Variants in ATAD1 observed in about 807,000 individuals in gnomAD.
ATAD1 encodes the protein outer mitochondrial transmembrane helix translocase.
ATAD1 carries 18 observed loss-of-function variants against 42.7 expected under a neutral mutation model. That is an observed-to-expected ratio of 0.42 (90% CI 0.29 to 0.63). The LOEUF (loss-of-function observed/expected upper bound fraction) is 0.63, where lower values mean the gene tolerates loss of function less well. Ranked by LOEUF, ATAD1 falls within the 20% of genes least tolerant of loss-of-function variation. The pLI, the probability that ATAD1 is intolerant of heterozygous loss-of-function variation, is 0.19. For missense variants in ATAD1, 294 were observed against 440.4 expected (o/e 0.67, Z 2.98); for synonymous variants, 132 against 143.1 (o/e 0.92, Z 0.55).
At chr10:87,833,033 C>T (rs35883263) in intron 1 of ATAD1, 7,859 of 152,298 alleles carry the variant, frequency 0.052, 290 homozygotes, top group Non-Finnish European at 0.074. Context: ...TGAACTACAG[C>T]CCAGAGCTCC....
intron 5 of ATAD1, among the ~76,000 whole-genome samples, chr10:87,782,185 T>C (rs1855596748): frequency 6.6e-6 from 1 of 152,170 alleles, no homozygotes; most frequent in Non-Finnish European, 1.5e-5. Flanking sequence ...AGGAGAATTC[T>C]CAAAAGCAAC....
At chr10:87,818,541 T>C (rs2306156), upstream of ATAD1, 10,056 of 152,592 alleles carry the variant, frequency 0.066, 795 homozygotes, top group East Asian at 0.33. Flanking sequence ...GGCAGCCTTC[T>C]TGAGAGTGCA....
rs1854028440 is a variant in ATAD1 at position 87,751,670 on chromosome 10, A to G, written c.*3017T>C. ...AACTCTATCTTTGATAACTAAATCT[A>G]TAACAAATTTAATAATGAAGGCTCT... is the stretch of plus-strand genomic sequence containing the variant. On this transcript the variant is annotated 3_prime_UTR_variant, in exon 10 of 10. Transcript: ENST00000680024. The G allele has an allele frequency of 6.6e-6, 1 of 152,212 alleles. No homozygotes were observed. Among genetic ancestry groups the G allele is most frequent in the East Asian group, 1.9e-4 (1 of 5,206 alleles). 9.4% of individuals were successfully genotyped at this position (152,212 alleles called of 1,614,324 possible). A position where few individuals can be genotyped will look rare whatever the true frequency, so the allele number is the denominator to read the frequency against.
At chr10:87,762,949 C>T (rs1230102515) in intron 8 of ATAD1, among the ~76,000 whole-genome samples, 5 of 147,086 alleles carry the variant, frequency 3.4e-5, no homozygotes, top group East Asian at 2.0e-4. Flanking sequence ...GGTGTGGTGG[C>T]GCGCGCCTAT....
In ATAD1 at chr10:87,751,634, A is replaced by G. The variant is rs1417376160; in HGVS notation, c.*3053T>C. 1 of 152,208 alleles carries G rather than the reference A, an allele frequency of 6.6e-6. No individual in the cohort carries two copies. Among genetic ancestry groups the G allele is most frequent in the East Asian group, 1.9e-4 (1 of 5,192 alleles). The allele number at this position is 152,208 out of a possible 1,614,324, so 9.4% of individuals were successfully genotyped here. On this transcript the variant is annotated 3_prime_UTR_variant, in exon 10 of 10. Transcript: ENST00000680024. ...ATAAAGAGAACTTTAGCTTTAAAAA[A>G]AAGATTAGAGAACTCTATCTTTGAT...
chr10:87,801,663 A>C (rs1856701434), intron 2 of ATAD1, among the ~76,000 whole-genome samples: 2 of 152,260 alleles, frequency 1.3e-5, no homozygotes, highest in South Asian at 2.1e-4. Flanking sequence ...TCCCTTGTCA[A>C]CTATGTCTTT....
At chr10:87,787,513 G>A (rs1320745172) in intron 4 of ATAD1, among the ~76,000 whole-genome samples, 2 of 152,126 alleles carry the variant, frequency 1.3e-5, no homozygotes, top group Admixed American at 6.5e-5. Context: ...CAGCTACTCA[G>A]GACCCAGAGG....
intron 1 of ATAD1, chr10:87,832,016 T>C (rs1857838720): frequency 6.6e-6 from 1 of 151,784 alleles, no homozygotes; most frequent in Non-Finnish European, 1.5e-5. Context: ...TTCTAGAACC[T>C]GTATTCGTAC....
upstream of ATAD1, among the ~76,000 whole-genome samples, chr10:87,822,037 G>C (rs1256041379): frequency 2.6e-5 from 4 of 152,196 alleles, no homozygotes; most frequent in African/African-American, 9.7e-5. Flanking sequence ...CTCATGATGA[G>C]ATTCAGGATA....
chr10:87,755,989 T>C (rs1854204398), intron 9 of ATAD1, among the ~76,000 whole-genome samples: 2 of 152,184 alleles, frequency 1.3e-5, no homozygotes, highest in Non-Finnish European at 1.5e-5. Flanking sequence ...CAGCTACCAG[T>C]TGACAGAGTA....
intron 8 of ATAD1, among the ~76,000 whole-genome samples, chr10:87,758,786 CT>C (rs1471066374): frequency 2.0e-5 from 3 of 152,042 alleles, no homozygotes; most frequent in Non-Finnish European, 4.4e-5. Context: ...AATTCTGCCC[CT>C]GTAGACATAC....
rs1564740854 is a variant in ATAD1 at position 87,762,917 on chromosome 10, A to AT, written c.831+4755_831+4756insA. On this transcript the variant is annotated intron_variant, in intron 8 of 9. Coordinates refer to ENST00000680024, the MANE Select transcript of ATAD1 (RefSeq NM_001321967.2). ...AACCCCGTCTCTACTAAAAAAAAAA[A>AT]AATATATATATATATAAGCCGGGTG... Among the ~76,000 whole-genome samples the AT allele has an allele frequency of 3.0e-3, 213 of 70,024 alleles. 2 individuals carry two copies. The highest frequency in any genetic ancestry group is 9.0e-3 in the South Asian group (19 of 2,100). The allele number at this position is 70,024 out of a possible 152,430, so 45.9% of individuals were successfully genotyped here.
At chr10:87,760,986 T>C (rs754561803) in intron 8 of ATAD1, among the ~76,000 whole-genome samples, 1 of 152,068 alleles carries the variant, frequency 6.6e-6, no homozygotes, top group Non-Finnish European at 1.5e-5. Context: ...AAAATAATTG[T>C]AAAAGAGTAG....
chr10:87,811,088 T>C (rs1165926337), intron 2 of ATAD1, among the ~76,000 whole-genome samples: 1 of 152,194 alleles, frequency 6.6e-6, no homozygotes, highest in Non-Finnish European at 1.5e-5. Context: ...ATCTCAGCAC[T>C]TTGGGAGGCC....
At chr10:87,767,644 C>G in intron 8 of ATAD1, 29 bp downstream of exon 8, 1 of 1,575,642 alleles carries the variant, frequency 6.3e-7, no homozygotes, top group African/African-American at 1.4e-5. Flanking sequence ...ATTTATAGGA[C>G]GGGGAAAAAA....
chr10:87,800,958 G>T (rs550250101), intron 2 of ATAD1, among the ~76,000 whole-genome samples: 13 of 152,172 alleles, frequency 8.5e-5, no homozygotes, highest in African/African-American at 2.6e-4. Flanking sequence ...CATATCAAAG[G>T]CACACTAATG....
At chr10:87,814,885 T>C (rs920718281) in intron 1 of ATAD1, 2 of 200,686 alleles carry the variant, frequency 1.0e-5, no homozygotes, top group African/African-American at 4.7e-5. Flanking sequence ...AAAAATACAG[T>C]AAATATCTTA....
intron 2 of ATAD1, among the ~76,000 whole-genome samples, chr10:87,804,746 C>T (rs1219385064): frequency 6.6e-6 from 1 of 152,158 alleles, no homozygotes; most frequent in Non-Finnish European, 1.5e-5. Context: ...ATTCATCCTG[C>T]ACTTTAAATC....
Position 87,790,332 on chromosome 10 carries a change from G to T in ATAD1, c.360C>A (p.Ser120=). The T allele has an allele frequency of 1.2e-6, 2 of 1,612,764 alleles. No individual in the cohort carries two copies. Among genetic ancestry groups the T allele is most frequent in the Non-Finnish European group, 1.7e-6 (2 of 1,179,676 alleles). ...TACCTTTTGGAGGCTGCAGAAGCCT[G>T]GAATTCTCAAACAAATGTTTCTTTT... ...PIKKKHLFEN[S]RLLQPPKGVL... The change falls in exon 4 of 10, where the codon TCC becomes TCA. Residue 120 remains serine (S), a synonymous_variant. Transcript: ENST00000680024.
Sources: allele counts gnomAD v4.1 joint callset (sites outside exome capture counted in the v4.1 genomes callset), GRCh38; gene constraint gnomAD v4.1.1; transcripts MANE v1.5; gene names NCBI Gene and HGNC (gene_info 2026-07-23, HGNC 2026-07-21).